ADGRV1: variants seen among roughly 807,000 people sequenced by gnomAD.
ADGRV1 encodes G-protein coupled receptor 98.
A neutral mutation model predicts 596.2 loss-of-function variants in ADGRV1; 359 were observed. The ratio of observed to expected loss-of-function variants is 0.60; its 90% confidence interval spans 0.55 to 0.66. The LOEUF (loss-of-function observed/expected upper bound fraction) is 0.66. Among genes scored for constraint, ADGRV1 ranks in the 30% least tolerant of loss-of-function variants. The probability of loss-of-function intolerance (pLI) is 0.00; values close to 1 mark genes in which losing one functional copy is unlikely to be tolerated. For missense variants in ADGRV1, 7,274 were observed against 7,575.6 expected (o/e 0.96, Z 1.48); for synonymous variants, 2,681 against 2,679.2 (o/e 1.00, Z -0.02).
At chr5:90,765,244 G>A (rs1017499269) in intron 59 of ADGRV1, among the ~76,000 whole-genome samples, 6 of 152,142 alleles carry the variant, frequency 3.9e-5, no homozygotes, top group African/African-American at 1.4e-4. Flanking sequence ...GAGGCACTGG[G>A]CACTGTGCAC....
chr5:91,143,465 G>A (rs1227756778), intron 87 of ADGRV1, among the ~76,000 whole-genome samples: 1 of 152,192 alleles, frequency 6.6e-6, no homozygotes, highest in Non-Finnish European at 1.5e-5. Context: ...GAGGAGACTC[G>A]CAGTGCTCCT....
At chr5:90,914,244 A>T (rs551355704) in intron 83 of ADGRV1, among the ~76,000 whole-genome samples, 2 of 152,248 alleles carry the variant, frequency 1.3e-5, no homozygotes, top group South Asian at 4.1e-4. Flanking sequence ...GTGCTCAAAA[A>T]GTTTTAGATT....
intron 86 of ADGRV1, among the ~76,000 whole-genome samples, chr5:91,093,620 T>C (rs1259934867): frequency 6.6e-6 from 1 of 152,082 alleles, no homozygotes; most frequent in Non-Finnish European, 1.5e-5. Flanking sequence ...ACGTAACAAG[T>C]AATGACAAAG....
chr5:90,735,071 C>T (rs972106216), intron 50 of ADGRV1, among the ~76,000 whole-genome samples: 4 of 152,090 alleles, frequency 2.6e-5, no homozygotes, highest in African/African-American at 7.2e-5. Flanking sequence ...CTTTTGTCGC[C>T]TCAACTTCTG....
At chr5:90,717,366 A>G (rs1750249884) in intron 43 of ADGRV1, 1 of 148,344 alleles carries the variant, frequency 6.7e-6, no homozygotes, top group Non-Finnish European at 1.5e-5. Context: ...TGTTGTGCAC[A>G]TGTACCCTAG....
intron 75 of ADGRV1, among the ~76,000 whole-genome samples, chr5:90,818,283 G>A (rs1763113207): frequency 7.1e-6 from 1 of 141,170 alleles, no homozygotes; most frequent in Non-Finnish European, 1.6e-5. Context: ...AGACTTTGCT[G>A]AAGTTGCTTA....
At chr5:91,095,949 G>C (rs1051447417) in intron 86 of ADGRV1, among the ~76,000 whole-genome samples, 18 of 150,450 alleles carry the variant, frequency 1.2e-4, no homozygotes, top group Non-Finnish European at 2.2e-4. Context: ...TTTTAATAGA[G>C]ATAGGGTTTC....
chr5:90,865,989 A>T lies in ADGRV1; in HGVS notation c.17856+2132A>T, dbSNP rs146540761. On this transcript the variant is annotated intron_variant, in intron 83 of 89. Transcript: ENST00000405460. Reference sequence around the variant, plus strand: ...GTTAAATCAACTCTAGAGAAGTCTTAAAAAAATGCAGGCTTGGCCTGTGGT... The same window carrying T: ...GTTAAATCAACTCTAGAGAAGTCTTTAAAAAATGCAGGCTTGGCCTGTGGT... Among the ~76,000 whole-genome samples the T allele has an allele frequency of 4.0e-3, 615 of 152,232 alleles. 1 individual carries two copies. The highest frequency in any genetic ancestry group is 6.8e-3 in the Middle Eastern group (2 of 294).
chr5:90,698,718 GA>G (rs903804381), intron 34 of ADGRV1, among the ~76,000 whole-genome samples: 3 of 151,466 alleles, frequency 2.0e-5, no homozygotes, highest in African/African-American at 7.3e-5. Context: ...GTGGACAGAG[GA>G]AAAAAAAGCA....
At chr5:91,026,919 A>T (rs1415155253) in intron 85 of ADGRV1, among the ~76,000 whole-genome samples, 1 of 151,990 alleles carries the variant, frequency 6.6e-6, no homozygotes, top group Non-Finnish European at 1.5e-5. Flanking sequence ...AGGCAGGCAG[A>T]TCACTTGAGG....
At position 90,629,332 on chromosome 5, in the gene ADGRV1, A is replaced by G. The variant is rs1765198213; in HGVS notation, c.1632A>G (p.Leu544=). The change falls in exon 9 of 90, where the codon CTA becomes CTG. Residue 544 remains leucine, a synonymous_variant. Coordinates refer to ENST00000405460, the MANE Select transcript of ADGRV1 (RefSeq NM_032119.4). ...ERYLSLSFTR[L]GGTKGDVRLL... The stretch of plus-strand genomic sequence containing the variant: ...ACTTATCCTTGAGTTTTACAAGACT[A>G]GGAGGGACTAAAGGAGATGTGAGGT... 5.6e-6 allele frequency: 9 copies of G among 1,613,516 alleles called. No individual in the cohort carries two copies. Among genetic ancestry groups the G allele is most frequent in the Non-Finnish European group, 5.1e-6 (6 of 1,179,758 alleles).
chr5:90,750,843 A>G, intron 53 of ADGRV1, 146 bp downstream of exon 53: 1 of 570,952 alleles, frequency 1.8e-6, no homozygotes, highest in Non-Finnish European at 2.9e-6. Flanking sequence ...GAGGGATACA[A>G]TTTAAGGTTA....
intron 65 of ADGRV1, 46 bp from the exon 66 acceptor site, chr5:90,783,078 A>AC (rs1467793517): frequency 1.4e-6 from 2 of 1,480,050 alleles, no homozygotes; most frequent in Non-Finnish European, 1.9e-6. Context: ...CTTATAAGTT[A>AC]GTTGCTCTGT....
At chr5:91,023,147 T>C (rs1783776360) in intron 85 of ADGRV1, among the ~76,000 whole-genome samples, 1 of 152,182 alleles carries the variant, frequency 6.6e-6, no homozygotes, top group African/African-American at 2.4e-5. Flanking sequence ...AACAGAAACC[T>C]TTCTTTATAA....
At chr5:90,896,267 GT>G (rs547252109) in intron 83 of ADGRV1, among the ~76,000 whole-genome samples, 2,720 of 84,696 alleles carry the variant, frequency 0.032, 13 homozygotes, top group African/African-American at 0.12. Context: ...GTGACCAGTG[GT>G]TTTTTTTTTT....
intron 1 of ADGRV1, among the ~76,000 whole-genome samples, chr5:90,595,681 C>T (rs1474802849): frequency 7.6e-6 from 1 of 130,966 alleles, no homozygotes; most frequent in African/African-American, 3.1e-5. Flanking sequence ...CCACCTCCCT[C>T]CCGGACGGGG....
rs755660868 is a variant in ADGRV1 at position 90,697,091 on chromosome 5, T to C, written c.8100T>C (p.Asn2700=). The part of the protein sequence containing the change: ...TVRVNILAND[N]VAGIVSFQTA... ...GAGTGAACATTTTGGCCAATGACAA[T>C]GTGGCAGGAATTGTTAGCTTTCAGA... Residue 2700 remains asparagine, a synonymous_variant, in exon 34 of 90, where the codon AAT becomes AAC. Transcript: ENST00000405460. The C allele has an allele frequency of 9.3e-6, 15 of 1,613,318 alleles. No individual in the cohort carries two copies. The highest frequency in any genetic ancestry group is 1.6e-4 in the Middle Eastern group (1 of 6,076).
At chr5:90,877,840 T>C (rs1292085331) in intron 83 of ADGRV1, among the ~76,000 whole-genome samples, 1 of 152,006 alleles carries the variant, frequency 6.6e-6, no homozygotes. Context: ...TTTAAATTTA[T>C]ATAAAAATAT....
intron 85 of ADGRV1, among the ~76,000 whole-genome samples, chr5:91,025,621 G>A (rs1296381049): frequency 5.3e-5 from 8 of 152,134 alleles, no homozygotes; most frequent in Admixed American, 2.0e-4. Context: ...AGACATAGCC[G>A]GTAGAGTACC....
Sources: allele counts gnomAD v4.1 joint callset (sites outside exome capture counted in the v4.1 genomes callset), GRCh38; gene constraint gnomAD v4.1.1; transcripts MANE v1.5; gene names NCBI Gene and HGNC (gene_info 2026-07-23, HGNC 2026-07-21).